The following GRID2 variants were observed in gnomAD, a reference collection of about 807,000 sequenced individuals.
GRID2 encodes glutamate receptor ionotropic, delta-2.
GRID2 carries 33 observed loss-of-function variants against 114.8 expected under a neutral mutation model. The ratio of observed to expected loss-of-function variants is 0.29; its 90% confidence interval spans 0.22 to 0.38. The LOEUF (loss-of-function observed/expected upper bound fraction) is 0.38, where lower values mean the gene tolerates loss of function less well. Among genes scored for constraint, GRID2 ranks in the 10% least tolerant of loss-of-function variants. The pLI, the probability that GRID2 is intolerant of heterozygous loss-of-function variation, is 1.00. For synonymous variants in GRID2, 505 were observed against 449.9 expected (o/e 1.12, Z -1.55); for missense variants, 1,184 against 1,257.7 (o/e 0.94, Z 0.89).
chr4:92,774,233 T>A (rs1738678579), intron 2 of GRID2, among the ~76,000 whole-genome samples: 2 of 151,976 alleles, frequency 1.3e-5, no homozygotes, highest in Non-Finnish European at 2.9e-5. Flanking sequence ...GGGTGAGGCA[T>A]GGGATAGGCC....
chr4:93,692,138 A>C (rs1290257495), intron 14 of GRID2, among the ~76,000 whole-genome samples: 3 of 152,266 alleles, frequency 2.0e-5, no homozygotes, highest in African/African-American at 4.8e-5. Flanking sequence ...TAAGTAAAAA[A>C]TATAGCACAT....
At chr4:93,632,330 T>C (rs969307672) in intron 14 of GRID2, among the ~76,000 whole-genome samples, 1 of 152,226 alleles carries the variant, frequency 6.6e-6, no homozygotes, top group Non-Finnish European at 1.5e-5. Context: ...GGTTTTCTTC[T>C]AGGGTTTTTA....
rs961006195 is a variant in GRID2, at chr4:92,330,194, A to G, written c.88+25450A>G. 3.9e-5 allele frequency among the ~76,000 whole-genome samples: 6 copies of G among 152,230 alleles called. No homozygotes were observed. The East Asian group carries it at 7.7e-4, about 20-fold the overall frequency. On this transcript the variant is annotated intron_variant, in intron 1 of 15. Transcript: ENST00000282020. ...CACTATCATGTCATAGAGTCTCACC[A>G]TTGTTTAAGATGTTTAAATTTTTTA...
At chr4:92,667,628 A>G (rs1172128223) in intron 2 of GRID2, among the ~76,000 whole-genome samples, 3 of 151,660 alleles carry the variant, frequency 2.0e-5, no homozygotes, top group Non-Finnish European at 4.4e-5. Flanking sequence ...CCTAGACTAT[A>G]TATATTCATA....
intron 1 of GRID2, among the ~76,000 whole-genome samples, chr4:92,498,837 T>C (rs777284657): frequency 2.6e-5 from 4 of 151,454 alleles, no homozygotes; most frequent in Non-Finnish European, 4.4e-5. Flanking sequence ...TACATAATCA[T>C]TCATATATAG....
At chr4:93,471,732 C>CTTTTTTTTTT (rs1231563139) in intron 11 of GRID2, among the ~76,000 whole-genome samples, 16 of 24,710 alleles carry the variant, frequency 6.5e-4, no homozygotes, top group African/African-American at 2.0e-3. Context: ...GGAGTTTTTG[C>CTTTTTTTTTT]TCTTGTTGCC....
intron 4 of GRID2, among the ~76,000 whole-genome samples, chr4:93,171,091 A>G (rs1167928334): frequency 6.6e-6 from 1 of 152,202 alleles, no homozygotes; most frequent in East Asian, 1.9e-4. Flanking sequence ...TTCTCTGGTC[A>G]GGTTTCCTAT....
chr4:93,122,890 G>GTTTTTTT (rs886185779), intron 4 of GRID2, among the ~76,000 whole-genome samples: 3,352 of 69,128 alleles, frequency 0.048, 261 homozygotes, highest in Middle Eastern at 0.11. Context: ...ACAGATGTGG[G>GTTTTTTT]TTTTTTTTTT....
At chr4:92,762,460 A>T (rs1274035074) in intron 2 of GRID2, among the ~76,000 whole-genome samples, 2 of 148,436 alleles carry the variant, frequency 1.3e-5, no homozygotes, top group African/African-American at 5.0e-5. Flanking sequence ...AAAAAAAAAA[A>T]CATTTTATTG....
chr4:92,796,757 T>C (rs1739897678), intron 2 of GRID2, among the ~76,000 whole-genome samples: 1 of 151,860 alleles, frequency 6.6e-6, no homozygotes, highest in African/African-American at 2.4e-5. Flanking sequence ...ACATCAAACC[T>C]TTATAAAATT....
chr4:92,945,384 T>G (rs556929491), intron 2 of GRID2, among the ~76,000 whole-genome samples: 30 of 150,278 alleles, frequency 2.0e-4, no homozygotes, highest in East Asian at 5.8e-4. Context: ...AAATAAGCTG[T>G]TTTTTTTTCC....
chr4:92,663,395 A>G (rs1732611389), intron 2 of GRID2, among the ~76,000 whole-genome samples: 1 of 151,146 alleles, frequency 6.6e-6, no homozygotes, highest in Admixed American at 6.6e-5. Context: ...AAAGCTTAAT[A>G]TACTAGTCAG....
intron 2 of GRID2, among the ~76,000 whole-genome samples, chr4:92,640,170 C>T (rs1324743868): frequency 1.3e-5 from 2 of 151,580 alleles, no homozygotes; most frequent in African/African-American, 4.8e-5. Flanking sequence ...GCTATCAGAA[C>T]AGTAGATCAC....
chr4:92,833,180 G>A (rs946107245), intron 2 of GRID2, among the ~76,000 whole-genome samples: 1 of 152,156 alleles, frequency 6.6e-6, no homozygotes, highest in African/African-American at 2.4e-5. Context: ...GAAGTCAAGG[G>A]CACGATGTAG....
At chr4:92,895,064 T>C (rs1396701781) in intron 2 of GRID2, among the ~76,000 whole-genome samples, 1 of 152,042 alleles carries the variant, frequency 6.6e-6, no homozygotes, top group South Asian at 2.1e-4. Context: ...ATATTATATT[T>C]GTCATGCCAC....
intron 4 of GRID2, among the ~76,000 whole-genome samples, chr4:93,179,935 T>C (rs1324747539): frequency 6.6e-6 from 1 of 152,134 alleles, no homozygotes; most frequent in Non-Finnish European, 1.5e-5. Flanking sequence ...TCTAGTGTAT[T>C]TAAAGAAAGA....
At chr4:92,903,954 T>G (rs1747767977) in intron 2 of GRID2, among the ~76,000 whole-genome samples, 1 of 151,980 alleles carries the variant, frequency 6.6e-6, no homozygotes, top group Admixed American at 6.6e-5. Context: ...ACCGTTTATC[T>G]AAACATCATT....
At chr4:92,736,756 A>C (rs1168706538) in intron 2 of GRID2, among the ~76,000 whole-genome samples, 1 of 152,108 alleles carries the variant, frequency 6.6e-6, no homozygotes, top group Non-Finnish European at 1.5e-5. Context: ...TAAACATTTC[A>C]ACGTTTTTCT....
At chr4:92,386,613 GATTAA>G (rs1167288201) in intron 1 of GRID2, among the ~76,000 whole-genome samples, 3 of 151,668 alleles carry the variant, frequency 2.0e-5, no homozygotes, top group Non-Finnish European at 3.0e-5. Flanking sequence ...ATATATTTAT[GATTAA>G]ATTAAGGCAA....
Sources: allele counts gnomAD v4.1 joint callset (sites outside exome capture counted in the v4.1 genomes callset), GRCh38; gene constraint gnomAD v4.1.1; transcripts MANE v1.5; gene names NCBI Gene and HGNC (gene_info 2026-07-23, HGNC 2026-07-21).